Variants in VTI1A observed in about 807,000 individuals in gnomAD.
VTI1A encodes vesicle transport through interaction with t-SNAREs homolog 1A.
A neutral mutation model predicts 34.9 loss-of-function variants in VTI1A; 22 were observed. The observed-to-expected ratio is 0.63, with a 90% confidence interval of 0.45 to 0.90. The LOEUF (loss-of-function observed/expected upper bound fraction) is 0.90, where lower values mean the gene tolerates loss of function less well. VTI1A is among the 40% of genes least tolerant of loss of function. VTI1A has a pLI of 0.00. For synonymous variants in VTI1A, 87 were observed against 97.3 expected (o/e 0.89, Z 0.62); for missense variants, 268 against 275.6 (o/e 0.97, Z 0.20).
intron 5 of VTI1A, among the ~76,000 whole-genome samples, chr10:112,641,220 G>A (rs1462678221): frequency 2.0e-5 from 3 of 152,116 alleles, no homozygotes; most frequent in African/African-American, 7.2e-5. Context: ...CTCTGATCAT[G>A]CAGTTCGAAA....
intron 5 of VTI1A, among the ~76,000 whole-genome samples, chr10:112,548,122 C>T (rs1309224702): frequency 1.3e-5 from 2 of 152,072 alleles, no homozygotes; most frequent in African/African-American, 2.4e-5. Flanking sequence ...TAAGTCGTCT[C>T]ATTATATGGA....
intron 5 of VTI1A, among the ~76,000 whole-genome samples, chr10:112,610,953 C>T (rs1457877217): frequency 6.6e-6 from 1 of 151,954 alleles, no homozygotes; most frequent in African/African-American, 2.4e-5. Context: ...TCCCTCTGAA[C>T]TTTAGGATGG....
At chr10:112,696,085 A>G (rs542525832) in intron 7 of VTI1A, among the ~76,000 whole-genome samples, 8 of 136,088 alleles carry the variant, frequency 5.9e-5, no homozygotes, top group Non-Finnish European at 1.1e-4. Flanking sequence ...ATGTAATTAG[A>G]GAGAATGATT....
intron 7 of VTI1A, among the ~76,000 whole-genome samples, chr10:112,806,082 G>T (rs1221313316): frequency 1.3e-5 from 2 of 152,102 alleles, no homozygotes; most frequent in Non-Finnish European, 2.9e-5. Context: ...AGGGCTCAGG[G>T]AGTGGATGTG....
intron 7 of VTI1A, among the ~76,000 whole-genome samples, chr10:112,707,265 G>A (rs896491356): frequency 6.6e-6 from 1 of 151,948 alleles, no homozygotes; most frequent in African/African-American, 2.4e-5. Context: ...CCTTCCCGGG[G>A]TCAGGTGATC....
At chr10:112,825,274 C>T in the VTI1A span, 5 of 153,060 alleles carry the variant, frequency 3.3e-5, no homozygotes, top group East Asian at 9.6e-4. Flanking sequence ...ACCTCCCTGC[C>T]TCCCACCCAG....
At chr10:112,673,429 T>G (rs1281822422) in intron 7 of VTI1A, among the ~76,000 whole-genome samples, 2 of 151,396 alleles carry the variant, frequency 1.3e-5, no homozygotes, top group Non-Finnish European at 2.9e-5. Flanking sequence ...CGACACTACC[T>G]ATATTTGCCC....
chr10:112,549,712 AT>A (rs1186713628), intron 5 of VTI1A, among the ~76,000 whole-genome samples: 1 of 152,104 alleles, frequency 6.6e-6, no homozygotes, highest in Non-Finnish European at 1.5e-5. Context: ...TTGAATAGGT[AT>A]TTTTTTAATG....
chr10:112,832,441 C>T, the VTI1A span: 2 of 152,356 alleles, frequency 1.3e-5, no homozygotes, highest in Non-Finnish European at 2.9e-5. Context: ...CTATGCATTC[C>T]TGCTCTCACC....
the VTI1A span, among the ~76,000 whole-genome samples, chr10:112,842,449 A>C: frequency 3.3e-5 from 5 of 152,106 alleles, no homozygotes; most frequent in Non-Finnish European, 7.4e-5. Flanking sequence ...GATCACATGA[A>C]TCTCCTTATT....
chr10:112,514,914 A>T (rs1849722417), intron 3 of VTI1A, among the ~76,000 whole-genome samples: 1 of 152,016 alleles, frequency 6.6e-6, no homozygotes, highest in Admixed American at 6.6e-5. Flanking sequence ...TAAAGTCTTG[A>T]GTCTTGACAT....
At chr10:112,787,939 T>A (rs981638727) in intron 7 of VTI1A, among the ~76,000 whole-genome samples, 3 of 151,834 alleles carry the variant, frequency 2.0e-5, no homozygotes, top group African/African-American at 7.2e-5. Context: ...TGACCTCAAG[T>A]GATCCACCTG....
At chr10:112,574,510 A>G (rs1852259098) in intron 5 of VTI1A, among the ~76,000 whole-genome samples, 1 of 152,216 alleles carries the variant, frequency 6.6e-6, no homozygotes, top group African/African-American at 2.4e-5. Context: ...TTGGGAATCA[A>G]ATAGACCTGG....
the VTI1A span, among the ~76,000 whole-genome samples, chr10:112,847,896 C>T: frequency 6.6e-6 from 1 of 152,178 alleles, no homozygotes; most frequent in Non-Finnish European, 1.5e-5. Flanking sequence ...AACATATCTC[C>T]TATCTGAGGC....
intron 1 of VTI1A, among the ~76,000 whole-genome samples, chr10:112,455,429 CTT>C (rs1491293047): frequency 7.4e-4 from 1 of 1,358 alleles, no homozygotes; most frequent in African/African-American, 3.0e-3. Flanking sequence ...TCCCCCTTCC[CTT>C]CTTCCCTCCT....
chr10:112,469,888 G>T (rs1176154734), intron 3 of VTI1A, among the ~76,000 whole-genome samples: 1 of 152,184 alleles, frequency 6.6e-6, no homozygotes, highest in Non-Finnish European at 1.5e-5. Context: ...GTTTGATGAT[G>T]CATCCCAGCA....
chr10:112,749,001 A>G (rs1357271418), intron 7 of VTI1A, among the ~76,000 whole-genome samples: 3 of 152,168 alleles, frequency 2.0e-5, no homozygotes, highest in African/African-American at 7.2e-5. Context: ...AGTTCATTCG[A>G]ATTATGGAAA....
intron 1 of VTI1A, among the ~76,000 whole-genome samples, chr10:112,451,276 A>G (rs80135720): frequency 0.11 from 16,251 of 152,256 alleles, 994 homozygotes; most frequent in Admixed American, 0.13. Flanking sequence ...TGTAAAAATC[A>G]GTGAAATAAA....
At chr10:112,722,875 G>T (rs1849863145) in intron 7 of VTI1A, among the ~76,000 whole-genome samples, 1 of 152,160 alleles carries the variant, frequency 6.6e-6, no homozygotes, top group Non-Finnish European at 1.5e-5. Flanking sequence ...GCAAAATCTG[G>T]ACGTTTGCTT....
Sources: allele counts gnomAD v4.1 joint callset (sites outside exome capture counted in the v4.1 genomes callset), GRCh38; gene constraint gnomAD v4.1.1; transcripts MANE v1.5; gene names NCBI Gene and HGNC (gene_info 2026-07-23, HGNC 2026-07-21).